ZFAND3: variants seen among roughly 807,000 people sequenced by gnomAD.
The protein encoded by ZFAND3 is zinc finger AN1-type containing 3.
Under a neutral mutation model 29.6 loss-of-function variants are expected in ZFAND3, and 10 were observed. The observed-to-expected ratio is 0.34, with a 90% CI of 0.21 to 0.57. ZFAND3 has a LOEUF of 0.57. Ranked by LOEUF, ZFAND3 falls within the 20% of genes least tolerant of loss-of-function variation. ZFAND3 has a pLI of 0.86. For missense variants in ZFAND3, 230 were observed against 304.5 expected (o/e 0.76, Z 1.82); for synonymous variants, 128 against 112.6 (o/e 1.14, Z -0.87).
chr6:37,922,063 C>T (rs1761391527), intron 1 of ZFAND3, among the ~76,000 whole-genome samples: 1 of 151,932 alleles, frequency 6.6e-6, no homozygotes, highest in African/African-American at 2.4e-5. Context: ...GGCCTTGTCT[C>T]ATAAATGAAA....
chr6:38,025,728 AT>A (rs1763434882), intron 2 of ZFAND3, among the ~76,000 whole-genome samples: 1 of 152,228 alleles, frequency 6.6e-6, no homozygotes, highest in African/African-American at 2.4e-5. Flanking sequence ...ACATAGATGA[AT>A]TTTGAAAACT....
chr6:38,051,052 A>T (rs1376473354), intron 2 of ZFAND3, among the ~76,000 whole-genome samples: 7 of 152,098 alleles, frequency 4.6e-5, no homozygotes, highest in Admixed American at 3.3e-4. Context: ...TAGCCCCTTA[A>T]GTCAGGAGCT....
chr6:37,885,072 G>A (rs1764965005), intron 1 of ZFAND3, among the ~76,000 whole-genome samples: 1 of 152,094 alleles, frequency 6.6e-6, no homozygotes, highest in Non-Finnish European at 1.5e-5. Flanking sequence ...TGTCTTGGGG[G>A]CCTCTTGAAT....
At chr6:37,938,746 A>G (rs1761749548) in intron 2 of ZFAND3, among the ~76,000 whole-genome samples, 1 of 152,178 alleles carries the variant, frequency 6.6e-6, no homozygotes, top group Non-Finnish European at 1.5e-5. Context: ...AGATACATGA[A>G]GCAGTGTGTT....
chr6:38,144,365 G>C (rs993183501), intron 5 of ZFAND3, among the ~76,000 whole-genome samples: 6 of 151,952 alleles, frequency 3.9e-5, no homozygotes, highest in Non-Finnish European at 7.4e-5. Flanking sequence ...AATGAGTTGA[G>C]ATTTGGAGGG....
chr6:38,010,340 A>G (rs779362356), intron 2 of ZFAND3, among the ~76,000 whole-genome samples: 1 of 152,098 alleles, frequency 6.6e-6, no homozygotes, highest in African/African-American at 2.4e-5. Context: ...CTCAGTTGGG[A>G]GTTGATTTTT....
intron 2 of ZFAND3, among the ~76,000 whole-genome samples, chr6:38,061,303 T>C (rs543905644): frequency 6.6e-6 from 1 of 152,372 alleles, no homozygotes; most frequent in East Asian, 1.9e-4. Flanking sequence ...TTTTTCCTTC[T>C]GATTACCCTT....
At chr6:38,108,138 A>G (rs1765244070) in intron 4 of ZFAND3, among the ~76,000 whole-genome samples, 1 of 152,144 alleles carries the variant, frequency 6.6e-6, no homozygotes, top group African/African-American at 2.4e-5. Context: ...ATTCTTAGGT[A>G]TGATATTTTG....
intron 1 of ZFAND3, among the ~76,000 whole-genome samples, chr6:37,840,026 G>C (rs913552885): frequency 6.6e-6 from 1 of 151,816 alleles, no homozygotes; most frequent in Middle Eastern, 3.2e-3. Flanking sequence ...CTAATTCAAG[G>C]TCACAAATAT....
intron 1 of ZFAND3, among the ~76,000 whole-genome samples, chr6:37,875,381 ATAAACT>A: frequency 6.6e-6 from 1 of 152,356 alleles, no homozygotes; most frequent in South Asian, 2.1e-4. Context: ...TATTCAAAAA[ATAAACT>A]TAATTTTAGT....
chr6:37,889,353 C>T (rs1233630124), intron 1 of ZFAND3, among the ~76,000 whole-genome samples: 1 of 152,152 alleles, frequency 6.6e-6, no homozygotes, highest in Non-Finnish European at 1.5e-5. Context: ...GTCACATAGC[C>T]ACATCATCAA....
Position 38,061,739 on chromosome 6 carries a change from A to G in ZFAND3, c.259A>G (p.Thr87Ala), listed in dbSNP as rs1764245065. The change falls in exon 3 of 6, where the codon ACA becomes GCA. Residue 87 changes from threonine to alanine, a missense_variant. By Grantham distance (58) the Thr-to-Ala change is moderately conservative (BLOSUM62 0). Coordinates refer to ENST00000287218, the MANE Select transcript of ZFAND3 (RefSeq NM_021943.3). ...TAGTCCCAGCCAGCAGCCGCTTCCG[A>G]CAGAACTGAATGTAACTTCACCGAG... ...TLSPSQQPLPTELNVTSPSKE... is the reference protein window; with the variant it reads ...TLSPSQQPLPAELNVTSPSKE... 6.2e-7 allele frequency: 1 copy of G among 1,614,050 alleles called. No homozygotes were observed. Among genetic ancestry groups the G allele is most frequent in the African/African-American group, 1.3e-5 (1 of 74,914 alleles).
intron 2 of ZFAND3, among the ~76,000 whole-genome samples, chr6:38,056,315 T>C (rs545283927): frequency 6.6e-6 from 1 of 152,276 alleles, no homozygotes; most frequent in African/African-American, 2.4e-5. Flanking sequence ...AAAAATAGGT[T>C]ATGGAACAGG....
intron 2 of ZFAND3, among the ~76,000 whole-genome samples, chr6:37,982,585 G>A (rs11758540): frequency 0.067 from 10,146 of 152,174 alleles, 411 homozygotes; most frequent in Non-Finnish European, 0.087. Context: ...ATGTGTTTAC[G>A]ATGATGCTTG....
intron 2 of ZFAND3, among the ~76,000 whole-genome samples, chr6:37,974,432 T>C (rs1397057653): frequency 1.4e-5 from 2 of 140,646 alleles, no homozygotes; most frequent in Admixed American, 7.7e-5. Context: ...GGAGACAGGG[T>C]CTAGCTGTGT....
chr6:38,013,007 T>C (rs1763185899), intron 2 of ZFAND3, among the ~76,000 whole-genome samples: 2 of 152,248 alleles, frequency 1.3e-5, no homozygotes, highest in African/African-American at 2.4e-5. Flanking sequence ...TGGATGATTT[T>C]ATTTTCATAA....
At chr6:38,028,760 G>A (rs1472283681) in intron 2 of ZFAND3, among the ~76,000 whole-genome samples, 2 of 152,066 alleles carry the variant, frequency 1.3e-5, no homozygotes, top group African/African-American at 2.4e-5. Context: ...GATTCTGTGG[G>A]GTCTTGGTGT....
intron 1 of ZFAND3, among the ~76,000 whole-genome samples, chr6:37,859,824 T>C (rs1453981883): frequency 6.6e-6 from 1 of 151,120 alleles, no homozygotes; most frequent in African/African-American, 2.4e-5. Context: ...TTTTTTTTCC[T>C]GAGATAGAGT....
chr6:38,050,966 C>T (rs1207235805), intron 2 of ZFAND3, among the ~76,000 whole-genome samples: 1 of 151,854 alleles, frequency 6.6e-6, no homozygotes, highest in African/African-American at 2.4e-5. Context: ...GGTGTGTGAC[C>T]CTGGTAGGAG....
Sources: allele counts gnomAD v4.1 joint callset (sites outside exome capture counted in the v4.1 genomes callset), GRCh38; gene constraint gnomAD v4.1.1; transcripts MANE v1.5; gene names NCBI Gene and HGNC (gene_info 2026-07-23, HGNC 2026-07-21).